The following MBNL3 variants were observed in gnomAD, a reference collection of about 807,000 sequenced individuals.
The protein encoded by MBNL3 is muscleblind like splicing regulator 3.
Under a neutral mutation model 24.5 loss-of-function variants are expected in MBNL3, and 6 were observed. That is an observed-to-expected ratio of 0.25 (90% CI 0.13 to 0.48). MBNL3 has a LOEUF of 0.48. MBNL3 is among the 20% of genes least tolerant of loss of function. MBNL3 has a pLI of 0.99. For synonymous variants in MBNL3, 100 were observed against 101.7 expected (o/e 0.98, Z 0.10); for missense variants, 230 against 293.5 (o/e 0.78, Z 1.58).
intron 1 of MBNL3, among the ~76,000 whole-genome samples, chrX:132,486,619 A>C (rs1948024096): frequency 8.9e-6 from 1 of 112,236 alleles, no homozygotes; most frequent in South Asian, 3.7e-4. Context: ...GTGCATAAAA[A>C]TGCCTTCCGT....
At chrX:132,427,347 G>C (rs189471455) in intron 2 of MBNL3, among the ~76,000 whole-genome samples, 2 of 111,226 alleles carry the variant, frequency 1.8e-5, no homozygotes, top group African/African-American at 3.3e-5. Flanking sequence ...ACTGAATTTG[G>C]TTCTATATAG....
chrX:132,410,232 T>C (rs1275501559), intron 2 of MBNL3, among the ~76,000 whole-genome samples: 8 of 112,062 alleles, frequency 7.1e-5, no homozygotes, highest in Non-Finnish European at 1.3e-4. Flanking sequence ...GAGAAAAGTC[T>C]CATTGTAGAG....
intron 1 of MBNL3, among the ~76,000 whole-genome samples, chrX:132,453,358 C>G (rs941800876): frequency 8.9e-6 from 1 of 111,751 alleles, no homozygotes; most frequent in Non-Finnish European, 1.9e-5. Flanking sequence ...ACTCAACGTA[C>G]TGTGGAAGAA....
intron 1 of MBNL3, among the ~76,000 whole-genome samples, chrX:132,460,678 C>A (rs1946583994): frequency 8.9e-6 from 1 of 111,875 alleles, no homozygotes; most frequent in Non-Finnish European, 1.9e-5. Context: ...TATTCCATTA[C>A]TTTATAGTGG....
chrX:132,388,477 T>C (rs1242899064), intron 5 of MBNL3, among the ~76,000 whole-genome samples: 1 of 112,321 alleles, frequency 8.9e-6, no homozygotes, highest in Non-Finnish European at 1.9e-5. Flanking sequence ...TGTCCCCTTC[T>C]CTCTCTTGAA....
rs747791659 is a variant in MBNL3, at chrX:132,446,833, C to G, written c.-703-6519G>C. On this transcript the variant is annotated intron_variant, in intron 1 of 8. Transcript: ENST00000370853. ...TTTAGTCATGAAGTCTTTGCCCATG[C>G]CTATGTCCTGAATGGTATTGCCTAG... is the stretch of plus-strand genomic sequence containing the variant. 1.3e-4 allele frequency among the ~76,000 whole-genome samples: 15 copies of G among 111,876 alleles called. No individual in the cohort carries two copies. In the East Asian group the frequency reaches 4.2e-3, roughly 31 times the overall value.
In MBNL3 at chrX:132,473,240, T is replaced by C. The variant is rs771806504; in HGVS notation, c.-704+15611A>G. Among the ~76,000 whole-genome samples, 46 of 112,071 alleles carry C rather than the reference T, an allele frequency of 4.1e-4. 1 individual carries two copies. Among genetic ancestry groups the C allele is most frequent in the Admixed American group, 3.5e-3 (37 of 10,602 alleles). ...TTTACTTCAACAAAGTAAAACTATATCCTCCATAATCTAAATGTAAAGCCA... is the reference window on the plus strand; with the variant it reads ...TTTACTTCAACAAAGTAAAACTATACCCTCCATAATCTAAATGTAAAGCCA... On this transcript the variant is annotated intron_variant, in intron 1 of 8. Transcript: ENST00000370853.
chrX:132,406,298 T>C lies in MBNL3; in HGVS notation c.272A>G (p.Gln91Arg). ...EINGRNNLIQ[Q>R]KTAAAMFAQQ... ...GGCGAACATGGCTGCGGCAGTCTTC[T>C]GTTGAATCAGATTGTTCCGCCCATT... Residue 91 changes from glutamine (Q) to arginine (R), a missense_variant, in exon 3 of 9, where the codon CAG (glutamine) becomes CGG (arginine). Physicochemically the swap from Gln to Arg is conservative, Grantham distance 43. Transcript: ENST00000370853. 8.3e-7 allele frequency: 1 copy of C among 1,211,964 alleles called. No homozygotes were observed. The highest frequency in any genetic ancestry group is 3.0e-5 in the East Asian group (1 of 33,862).
intron 1 of MBNL3, among the ~76,000 whole-genome samples, chrX:132,473,070 C>T (rs1947260080): frequency 8.9e-6 from 1 of 111,835 alleles, no homozygotes; most frequent in Non-Finnish European, 1.9e-5. Context: ...TCCCTCAAAA[C>T]AATAGCCTTA....
intron 8 of MBNL3, chrX:132,381,372 ACTT>A: frequency 8.6e-7 from 1 of 1,159,860 alleles, no homozygotes; most frequent in East Asian, 3.0e-5. Context: ...TCTACTGAGA[ACTT>A]CTACATCTGT....
chrX:132,396,546 C>CTATATATATTCCTA (rs1458577307), intron 3 of MBNL3, among the ~76,000 whole-genome samples: 1 of 29,892 alleles, frequency 3.3e-5, no homozygotes, highest in African/African-American at 1.2e-4. Context: ...ATATATATTC[C>CTATATATATTCCTA]TATATATTCC....
intron 2 of MBNL3, chrX:132,431,556 C>T (rs947874194): frequency 8.9e-6 from 1 of 111,797 alleles, no homozygotes; most frequent in Non-Finnish European, 1.9e-5. Flanking sequence ...ATTACAGCCT[C>T]ATCTTGTATT....
At chrX:132,488,247 AAC>A (rs1337152984) in intron 1 of MBNL3, among the ~76,000 whole-genome samples, 5 of 111,121 alleles carry the variant, frequency 4.5e-5, no homozygotes, top group Non-Finnish European at 9.4e-5. Flanking sequence ...TGCTCAGAAA[AAC>A]ACACAGTAGG....
chrX:132,392,904 A>G (rs1184587900), intron 3 of MBNL3, among the ~76,000 whole-genome samples: 2 of 111,926 alleles, frequency 1.8e-5, no homozygotes, highest in Non-Finnish European at 3.8e-5. Context: ...TAAATTAGAA[A>G]AAGTGAGTGC....
At chrX:132,396,335 CATATATATTCAT>C (rs1240480593) in intron 3 of MBNL3, among the ~76,000 whole-genome samples, 97 of 64,932 alleles carry the variant, frequency 1.5e-3, no homozygotes, top group African/African-American at 7.6e-3. Context: ...CATATATATT[CATATATATTCAT>C]ATATATATAT....
In MBNL3 at chrX:132,439,606, C is replaced by T. The variant is rs1407812067; in HGVS notation, c.6G>A (p.Thr2=). Residue 2 remains threonine (T), a synonymous_variant, in exon 2 of 9, where the codon ACG becomes ACA. Coordinates refer to ENST00000370853, the MANE Select transcript of MBNL3 (RefSeq NM_001386889.1). The stretch of plus-strand genomic sequence containing the variant: ...CACGAATCAGGGCAACATTGACAGC[C>T]GTCATATTGAAAGCAAAATTAAAAT... The part of the protein sequence containing the change: M[T]AVNVALIRDT... 4 of 1,189,600 alleles carry T rather than the reference C, an allele frequency of 3.4e-6. No individual in the cohort carries two copies. In the African/African-American group the frequency reaches 5.4e-5, roughly 16 times the overall value.
chrX:132,458,584 T>C (rs1946488963), intron 1 of MBNL3, among the ~76,000 whole-genome samples: 1 of 111,100 alleles, frequency 9.0e-6, no homozygotes, highest in Non-Finnish European at 1.9e-5. Flanking sequence ...ACAAAGTGGT[T>C]GGCCCACTTT....
intron 2 of MBNL3, among the ~76,000 whole-genome samples, chrX:132,435,229 C>A (rs938124004): frequency 1.8e-5 from 2 of 111,241 alleles, no homozygotes; most frequent in African/African-American, 6.5e-5. Flanking sequence ...TTTGAAATGT[C>A]CAAAATAGCA....
intron 1 of MBNL3, among the ~76,000 whole-genome samples, chrX:132,444,036 A>G (rs986720248): frequency 5.2e-5 from 4 of 76,449 alleles, no homozygotes; most frequent in Admixed American, 4.2e-4. Context: ...ATACTGTGTT[A>G]CTCTTATGGC....
Sources: allele counts gnomAD v4.1 joint callset (sites outside exome capture counted in the v4.1 genomes callset), GRCh38; gene constraint gnomAD v4.1.1; transcripts MANE v1.5; gene names NCBI Gene and HGNC (gene_info 2026-07-23, HGNC 2026-07-21).